Variants in CDH4 observed in about 807,000 individuals in gnomAD.
CDH4 encodes the protein cadherin-4.
A neutral mutation model predicts 86.0 loss-of-function variants in CDH4; 33 were observed. That is an observed-to-expected ratio of 0.38 (90% confidence interval 0.29 to 0.51). CDH4 has a LOEUF of 0.51. Ranked by LOEUF, CDH4 falls within the 20% of genes least tolerant of loss-of-function variation. The pLI, the probability that CDH4 is intolerant of heterozygous loss-of-function variation, is 0.86. For missense variants in CDH4, 1,114 were observed against 1,307.4 expected (o/e 0.85, Z 2.28); for synonymous variants, 555 against 549.4 (o/e 1.01, Z -0.14).
rs368193635 is a variant in CDH4, at chr20:61,565,020, A to G, written c.170-178543A>G. On this transcript the variant is annotated intron_variant, in intron 2 of 15. Coordinates refer to ENST00000614565, the MANE Select transcript of CDH4 (RefSeq NM_001794.5). ...CTGGTAGACAGCGGGTACCCAACAC[A>G]CTGCTGCTGGATTTGTTTCTTTGCT... is the stretch of plus-strand genomic sequence containing the variant. Among the ~76,000 whole-genome samples the G allele has an allele frequency of 6.9e-5, 9 of 130,228 alleles. No homozygotes were observed. The South Asian group carries it at 2.4e-3, about 34-fold the overall frequency. The allele number at this position is 130,228 out of a possible 152,430, so 85.4% of individuals were successfully genotyped here.
At chr20:61,331,648 G>A (rs1568801185) in intron 2 of CDH4, among the ~76,000 whole-genome samples, 32 of 11,506 alleles carry the variant, frequency 2.8e-3, no homozygotes, top group African/African-American at 8.2e-3. Flanking sequence ...CCCACCTCCC[G>A]CCCCAGCCAC....
At chr20:61,792,694 G>A (rs76824017) in intron 4 of CDH4, among the ~76,000 whole-genome samples, 8,314 of 151,892 alleles carry the variant, frequency 0.055, 764 homozygotes, top group African/African-American at 0.19. Flanking sequence ...CTGATGGCCC[G>A]GGCTGGAGTG....
At chr20:61,499,491 AG>A (rs2085685183) in intron 2 of CDH4, 1 of 1,288,990 alleles carries the variant, frequency 7.8e-7, no homozygotes. Context: ...GCTTTAAAGA[AG>A]GCAAGTGTGA....
At chr20:61,750,561 T>C (rs913217510) in intron 3 of CDH4, among the ~76,000 whole-genome samples, 9 of 152,200 alleles carry the variant, frequency 5.9e-5, no homozygotes, top group Non-Finnish European at 1.2e-4. Context: ...TACACAAACC[T>C]ATCCAAAGAT....
At chr20:61,740,713 T>C (rs540956065) in intron 2 of CDH4, 2 of 152,434 alleles carry the variant, frequency 1.3e-5, no homozygotes, top group African/African-American at 4.8e-5. Context: ...AACTCCTGTT[T>C]TCCTCCTGAT....
At chr20:61,862,746 G>A (rs1248390177) in intron 6 of CDH4, among the ~76,000 whole-genome samples, 2 of 152,210 alleles carry the variant, frequency 1.3e-5, no homozygotes, top group African/African-American at 4.8e-5. Context: ...AACTAAAAAG[G>A]GCTCTAATCG....
intron 2 of CDH4, among the ~76,000 whole-genome samples, chr20:61,515,510 C>CT (rs1307943958): frequency 6.6e-6 from 1 of 152,222 alleles, no homozygotes; most frequent in African/African-American, 2.4e-5. Flanking sequence ...CTTTTCCCCT[C>CT]TGTGCTACAA....
chr20:61,439,247 T>TGCAGTGTGCGTTTCGGTTTTGCC (rs2085301920), intron 2 of CDH4, among the ~76,000 whole-genome samples: 1 of 152,192 alleles, frequency 6.6e-6, no homozygotes, highest in African/African-American at 2.4e-5. Flanking sequence ...TTGGTTGTGC[T>TGCAGTGTGCGTTTCGGTTTTGCC]GCAGTGTGCG....
At chr20:61,499,419 T>A in intron 2 of CDH4, 2 of 1,286,328 alleles carry the variant, frequency 1.6e-6, no homozygotes, top group Non-Finnish European at 2.0e-6. Flanking sequence ...TGTGCCTGGT[T>A]CAGAACAAGG....
chr20:61,936,315 C>G (rs2055183602), intron 15 of CDH4, among the ~76,000 whole-genome samples: 1 of 80,982 alleles, frequency 1.2e-5, no homozygotes, highest in Non-Finnish European at 2.4e-5. Context: ...CCCTCACAGC[C>G]CCCCACCCTC....
rs923206112 is a variant in CDH4 at position 61,252,925 on chromosome 20, G to T, written c.57+355G>T. Among the ~76,000 whole-genome samples, 9 of 151,962 alleles carry T rather than the reference G, an allele frequency of 5.9e-5. No homozygotes were observed. The highest frequency in any genetic ancestry group is 1.3e-4 in the Non-Finnish European group (9 of 67,908). On this transcript the variant is annotated intron_variant, in intron 1 of 15. Coordinates refer to ENST00000614565, the MANE Select transcript of CDH4 (RefSeq NM_001794.5). The surrounding 1 kb of genome is among the most constrained non-coding windows in gnomAD (Gnocchi z 4.4). ...GGGCAGGCTTCCACTGGCGGAGCCGGCGCGCCCTCCATCGCCCGGGAGCCG... is the reference window on the plus strand; with the variant it reads ...GGGCAGGCTTCCACTGGCGGAGCCGTCGCGCCCTCCATCGCCCGGGAGCCG...
At chr20:61,273,979 TACCATGCACAGTTTGGGAGAGC>T (rs1286448561) in intron 2 of CDH4, among the ~76,000 whole-genome samples, 20 of 135,950 alleles carry the variant, frequency 1.5e-4, no homozygotes, top group Non-Finnish European at 2.6e-4. Flanking sequence ...TTTTGGGGGG[TACCATGCACAGTTTGGGAGAGC>T]ACCATGCACA....
In CDH4 at chr20:61,583,836, C is replaced by G. The variant is rs189111433; in HGVS notation, c.170-159727C>G. ...ATGGACCAGCCCGTACAGCCACACACTCCTTCAAGATGACAGAGTGACTTT... is the reference window on the plus strand; with the variant it reads ...ATGGACCAGCCCGTACAGCCACACAGTCCTTCAAGATGACAGAGTGACTTT... On this transcript the variant is annotated intron_variant, in intron 2 of 15. Coordinates refer to ENST00000614565, the MANE Select transcript of CDH4 (RefSeq NM_001794.5). Among the ~76,000 whole-genome samples, 94 of 152,346 alleles carry G rather than the reference C, an allele frequency of 6.2e-4. 3 individuals are homozygous for G. The Middle Eastern group carries it at 0.014, about 22-fold the overall frequency.
intron 2 of CDH4, among the ~76,000 whole-genome samples, chr20:61,648,212 G>C (rs2145811689): frequency 6.6e-6 from 1 of 152,352 alleles, no homozygotes; most frequent in South Asian, 2.1e-4. Context: ...CTAATTCATT[G>C]TCTGGGTCTT....
chr20:61,857,933 CTGTCTGTGTGTCTCTG>C (rs1399180046), intron 6 of CDH4, among the ~76,000 whole-genome samples: 10 of 149,734 alleles, frequency 6.7e-5, no homozygotes, highest in East Asian at 6.0e-4. Context: ...CAGTGTGTGT[CTGTCTGTGTGTCTCTG>C]TGTCTGTGTG....
chr20:61,939,654 T>A lies in CDH4; in HGVS notation c.*2711T>A, dbSNP rs2055240049. 6.6e-6 allele frequency: 1 copy of A among 152,300 alleles called. No homozygotes were observed. Among genetic ancestry groups the A allele is most frequent in the Non-Finnish European group, 1.5e-5 (1 of 68,060 alleles). The allele number at this position is 152,300 out of a possible 1,614,324, so 9.4% of individuals were successfully genotyped here. ...CCTTAAGCTTGTAGATACGACTGCCTATAATCAGGGGACTCCCACTGGAGG... is the reference window on the plus strand; with the variant it reads ...CCTTAAGCTTGTAGATACGACTGCCAATAATCAGGGGACTCCCACTGGAGG... On this transcript the variant is annotated 3_prime_UTR_variant, in exon 16 of 16. Transcript: ENST00000614565.
chr20:61,262,964 TGAGA>T (rs11472416), intron 2 of CDH4, among the ~76,000 whole-genome samples: 10 of 148,102 alleles, frequency 6.8e-5, no homozygotes, highest in Admixed American at 1.3e-4. Context: ...AATCATGAAC[TGAGA>T]GAGAGAGAGA....
chr20:61,439,168 G>A (rs1023670242), intron 2 of CDH4, among the ~76,000 whole-genome samples: 1 of 152,120 alleles, frequency 6.6e-6, no homozygotes, highest in African/African-American at 2.4e-5. Flanking sequence ...GGTGCTTGAA[G>A]TTGTGTTATT....
At chr20:61,455,631 A>G (rs940250115) in intron 2 of CDH4, among the ~76,000 whole-genome samples, 6 of 152,322 alleles carry the variant, frequency 3.9e-5, no homozygotes, top group African/African-American at 1.4e-4. Flanking sequence ...GGAGCTTCCC[A>G]TGTGCCATGC....
Sources: gnomAD v4.1 joint callset for allele counts (sites outside exome capture counted in the v4.1 genomes callset) on GRCh38, gnomAD v4.1.1 for gene constraint, Gnocchi (gnomAD v3.1) non-coding constraint, MANE v1.5 for transcripts, NCBI Gene and HGNC (gene_info 2026-07-23, HGNC 2026-07-21) for gene names.